DCC: variants seen among roughly 807,000 people sequenced by gnomAD.
The protein encoded by DCC is netrin receptor DCC.
A neutral mutation model predicts 172.5 loss-of-function variants in DCC; 58 were observed. The ratio of observed to expected loss-of-function variants is 0.34; its 90% CI spans 0.27 to 0.42. DCC has a LOEUF of 0.42. Ranked by LOEUF, DCC falls within the 10% of genes least tolerant of loss-of-function variation. The probability of loss-of-function intolerance (pLI) is 1.00; values close to 1 mark genes in which losing one functional copy is unlikely to be tolerated. For missense variants in DCC, 1,740 were observed against 1,791.0 expected (o/e 0.97, Z 0.51); for synonymous variants, 709 against 644.5 (o/e 1.10, Z -1.52).
intron 20 of DCC, among the ~76,000 whole-genome samples, chr18:53,413,255 G>A (rs1041393059): frequency 1.3e-5 from 2 of 152,060 alleles, no homozygotes; most frequent in African/African-American, 4.8e-5. Flanking sequence ...AAATTCTCTG[G>A]GCATCCTTAG....
chr18:52,763,663 A>T (rs1387670115), intron 2 of DCC, among the ~76,000 whole-genome samples: 3 of 152,250 alleles, frequency 2.0e-5, no homozygotes, highest in Non-Finnish European at 4.4e-5. Context: ...TTAAAAGTAT[A>T]TAATCCAGTC....
intron 1 of DCC, among the ~76,000 whole-genome samples, chr18:52,729,942 T>C (rs1361217031): frequency 6.6e-6 from 1 of 152,140 alleles, no homozygotes; most frequent in Non-Finnish European, 1.5e-5. Flanking sequence ...CAGGATGAAA[T>C]CATCAGGAGT....
intron 1 of DCC, among the ~76,000 whole-genome samples, chr18:52,492,532 T>C (rs1205208448): frequency 1.3e-5 from 2 of 151,790 alleles, no homozygotes; most frequent in Non-Finnish European, 2.9e-5. Context: ...AGGTGTGAGT[T>C]TTGTTGGTTG....
intron 1 of DCC, among the ~76,000 whole-genome samples, chr18:52,636,550 A>G (rs1218585206): frequency 2.6e-5 from 4 of 152,056 alleles, no homozygotes; most frequent in Non-Finnish European, 1.5e-5. Flanking sequence ...GGTGAGGCCT[A>G]TGACTGCCAG....
chr18:53,371,592 C>T (rs1039727716), intron 15 of DCC, among the ~76,000 whole-genome samples: 1 of 151,346 alleles, frequency 6.6e-6, no homozygotes, highest in Non-Finnish European at 1.5e-5. Flanking sequence ...AATTAGGGCC[C>T]TAAAATAAAA....
chr18:53,089,381 C>T (rs1458725404), intron 7 of DCC, among the ~76,000 whole-genome samples: 3 of 152,098 alleles, frequency 2.0e-5, no homozygotes, highest in East Asian at 3.9e-4. Flanking sequence ...CCACTGCACC[C>T]GGCCGTACTC....
chr18:53,178,943 T>C lies in DCC; in HGVS notation c.1419-19T>C, dbSNP rs761395770. 1.1e-5 allele frequency: 18 copies of C among 1,613,706 alleles called. No homozygotes were observed. The highest frequency in any genetic ancestry group is 1.5e-5 in the Non-Finnish European group (18 of 1,179,788). ...TATTCTTTTTGGAATAATCTTTCTC[T>C]GCAACTTTGATTTCTCAGGGAACGA... On this transcript the variant is annotated intron_variant, in intron 8 of 28. Transcript: ENST00000442544.
chr18:52,914,269 A>T (rs1009495264), intron 3 of DCC, among the ~76,000 whole-genome samples: 5 of 152,148 alleles, frequency 3.3e-5, no homozygotes, highest in African/African-American at 9.6e-5. Flanking sequence ...AATCTGATAG[A>T]CTTAAAATTT....
chr18:53,117,206 T>A (rs945945882), intron 7 of DCC, among the ~76,000 whole-genome samples: 4 of 151,796 alleles, frequency 2.6e-5, no homozygotes, highest in Admixed American at 2.6e-4. Context: ...GGAGTTATTT[T>A]GGCTGGATTG....
chr18:53,150,208 G>C (rs2043977354), intron 7 of DCC, among the ~76,000 whole-genome samples: 1 of 152,076 alleles, frequency 6.6e-6, no homozygotes, highest in South Asian at 2.1e-4. Context: ...CTCTGAGCTT[G>C]GTTTTTCATT....
At chr18:53,156,706 G>T (rs1416271504) in intron 7 of DCC, among the ~76,000 whole-genome samples, 3 of 151,844 alleles carry the variant, frequency 2.0e-5, no homozygotes, top group African/African-American at 7.3e-5. Flanking sequence ...AATGCCAATA[G>T]GTTATCTTTG....
intron 5 of DCC, among the ~76,000 whole-genome samples, chr18:52,941,483 T>C (rs575987899): frequency 4.9e-5 from 6 of 122,306 alleles, no homozygotes; most frequent in African/African-American, 1.8e-4. Flanking sequence ...CATATATACA[T>C]GTTTGTGTGT....
At chr18:53,239,569 G>A (rs2056257988) in intron 12 of DCC, among the ~76,000 whole-genome samples, 1 of 152,158 alleles carries the variant, frequency 6.6e-6, no homozygotes, top group Non-Finnish European at 1.5e-5. Flanking sequence ...AAGGTGCACA[G>A]GGGCTTACAT....
rs62097979 is a variant in DCC, at chr18:53,264,557, G to A, written c.1912-41021G>A. ...TAGGCAATCCCCATGCAATGCTCTT[G>A]GCTTAGAGTTTAACTGTGATTAACG... is the stretch of plus-strand genomic sequence containing the variant. On this transcript the variant is annotated intron_variant, in intron 12 of 28. Coordinates refer to ENST00000442544, the MANE Select transcript of DCC (RefSeq NM_005215.4). 8.6e-3 allele frequency among the ~76,000 whole-genome samples: 1,307 copies of A among 151,258 alleles called. 11 individuals carry two copies. Among genetic ancestry groups the A allele is most frequent in the Middle Eastern group, 0.017 (5 of 286 alleles).
chr18:53,187,658 T>TG, intron 9 of DCC, among the ~76,000 whole-genome samples: 1 of 152,232 alleles, frequency 6.6e-6, no homozygotes, highest in East Asian at 1.9e-4. Context: ...CTGCCTGCTG[T>TG]AATATATGGT....
At chr18:52,733,121 C>A (rs183005405) in intron 1 of DCC, among the ~76,000 whole-genome samples, 2 of 152,196 alleles carry the variant, frequency 1.3e-5, no homozygotes, top group Non-Finnish European at 2.9e-5. Flanking sequence ...ATCAAACTCA[C>A]CACTATTAAG....
At chr18:52,800,500 A>G (rs1224409333) in intron 2 of DCC, among the ~76,000 whole-genome samples, 1 of 152,166 alleles carries the variant, frequency 6.6e-6, no homozygotes, top group Non-Finnish European at 1.5e-5. Flanking sequence ...CCTGGGGTAT[A>G]TAGGTGAATA....
intron 1 of DCC, among the ~76,000 whole-genome samples, chr18:52,529,130 A>T (rs1187170761): frequency 6.6e-6 from 1 of 152,234 alleles, no homozygotes; most frequent in Non-Finnish European, 1.5e-5. Context: ...AGAGAAAAGA[A>T]GACATGGTTT....
chr18:52,405,595 C>T (rs1450509192), intron 1 of DCC, among the ~76,000 whole-genome samples: 1 of 151,134 alleles, frequency 6.6e-6, no homozygotes, highest in South Asian at 2.1e-4. Flanking sequence ...AATAAAATAC[C>T]TAGGAATCCA....
Sources: allele counts gnomAD v4.1 joint callset (sites outside exome capture counted in the v4.1 genomes callset), GRCh38; gene constraint gnomAD v4.1.1; transcripts MANE v1.5; gene names NCBI Gene and HGNC (gene_info 2026-07-23, HGNC 2026-07-21).